TNFRSF10D: variants seen among roughly 807,000 people sequenced by gnomAD.
The protein encoded by TNFRSF10D is tumor necrosis factor receptor superfamily member 10D.
TNFRSF10D carries 28 observed loss-of-function variants against 42.1 expected under a neutral mutation model. The ratio of observed to expected loss-of-function variants is 0.66; its 90% CI spans 0.49 to 0.91. The LOEUF is 0.91. TNFRSF10D is among the 40% of genes least tolerant of loss of function. The pLI, the probability that TNFRSF10D is intolerant of heterozygous loss-of-function variation, is 0.00. For synonymous variants in TNFRSF10D, 186 were observed against 189.4 expected, an observed-to-expected ratio of 0.98 and a Z score of 0.15; for missense variants, 503 against 486.1, an observed-to-expected ratio of 1.03 and a Z score of -0.33.
At chr8:23,158,125 C>T (rs1585265762) in intron 1 of TNFRSF10D, among the ~76,000 whole-genome samples, 2 of 152,002 alleles carry the variant, frequency 1.3e-5, no homozygotes, top group South Asian at 4.1e-4. Context: ...TTGTACTTTC[C>T]TTCTTTTCTT....
chr8:23,160,349 G>A (rs1373049840), intron 1 of TNFRSF10D, among the ~76,000 whole-genome samples: 1 of 152,118 alleles, frequency 6.6e-6, no homozygotes, highest in Admixed American at 6.5e-5. Flanking sequence ...ACAGGGAGGG[G>A]ACTCCGAAGA....
intron 7 of TNFRSF10D, among the ~76,000 whole-genome samples, chr8:23,143,640 G>T (rs1033570172): frequency 6.6e-6 from 1 of 152,166 alleles, no homozygotes; most frequent in African/African-American, 2.4e-5. Context: ...TTTGACAAGT[G>T]ATCAAAGAGG....
intron 1 of TNFRSF10D, among the ~76,000 whole-genome samples, chr8:23,162,446 T>C (rs538803339): frequency 2.0e-5 from 3 of 152,348 alleles, no homozygotes; most frequent in Admixed American, 6.5e-5. Flanking sequence ...GAATTTAGTA[T>C]TACTTCGTTG....
At chr8:23,162,911 TTTTG>T (rs754302024) in intron 1 of TNFRSF10D, among the ~76,000 whole-genome samples, 27 of 151,292 alleles carry the variant, frequency 1.8e-4, no homozygotes, top group African/African-American at 2.5e-4. Flanking sequence ...ATAGGGTTAA[TTTTG>T]TTTGTTTGTT....
chr8:23,162,649 A>G (rs189909843), intron 1 of TNFRSF10D, among the ~76,000 whole-genome samples: 233 of 150,976 alleles, frequency 1.5e-3, no homozygotes, highest in African/African-American at 4.9e-3. Flanking sequence ...TCAGTTTCCA[A>G]ACCCAACTCA....
chr8:23,162,954 C>G (rs1563365066), intron 1 of TNFRSF10D, among the ~76,000 whole-genome samples: 1 of 152,154 alleles, frequency 6.6e-6, no homozygotes, highest in Admixed American at 6.5e-5. Flanking sequence ...CAGAGTCTCG[C>G]TCTGTCGCCC....
rs748703810 is a variant in TNFRSF10D, at chr8:23,138,234, C to G, written c.981G>C (p.Gln327His). Residue 327 changes from glutamine to histidine, a missense_variant, in exon 8 of 9, where the codon CAG (glutamine) becomes CAC (histidine). Coordinates refer to ENST00000312584, the MANE Select transcript of TNFRSF10D (RefSeq NM_003840.5). ...LLEQAEAEGC[Q>H]RRRLLVPVND... ...TCACTGGAACCAGCAGCCTCCTCCT[C>G]TGACACCCTTCAGCTTCTGCCTGTT... 7 of 1,614,248 alleles carry G rather than the reference C, an allele frequency of 4.3e-6. No individual in the cohort carries two copies. The highest frequency in any genetic ancestry group is 5.9e-6 in the Non-Finnish European group (7 of 1,180,044).
intron 1 of TNFRSF10D, among the ~76,000 whole-genome samples, chr8:23,155,710 A>G (rs1274458854): frequency 6.6e-6 from 1 of 151,504 alleles, no homozygotes; most frequent in Admixed American, 6.6e-5. Flanking sequence ...AAAAAAAAAA[A>G]CAAAAAACAA....
At chr8:23,139,752 G>A (rs747520828) in intron 7 of TNFRSF10D, among the ~76,000 whole-genome samples, 43 of 152,138 alleles carry the variant, frequency 2.8e-4, no homozygotes, top group Non-Finnish European at 5.3e-4. Flanking sequence ...CTTCATGGAC[G>A]ATATGATTCT....
chr8:23,135,772 G>C lies in TNFRSF10D; in HGVS notation c.*2098C>G. 2.5e-6 allele frequency: 1 copy of C among 403,342 alleles called. No homozygotes were observed. The highest frequency in any genetic ancestry group is 4.9e-6 in the Non-Finnish European group (1 of 204,296). The allele number at this position is 403,342 out of a possible 1,614,324, so 25.0% of individuals were successfully genotyped here. On this transcript the variant is annotated 3_prime_UTR_variant, in exon 9 of 9. Transcript: ENST00000312584. ...TGTTAAAGGAATAAGCTTAAACACT[G>C]ATAAGGCTGGTAGTCTAGATGCATC...
At chr8:23,143,643 C>A (rs1279060418) in intron 7 of TNFRSF10D, among the ~76,000 whole-genome samples, 1 of 151,984 alleles carries the variant, frequency 6.6e-6, no homozygotes, top group East Asian at 1.9e-4. Context: ...GACAAGTGAT[C>A]AAAGAGGAGC....
chr8:23,155,106 A>T (rs571202935), intron 1 of TNFRSF10D, 127 bp from the exon 2 acceptor site: 180 of 722,664 alleles, frequency 2.5e-4, no homozygotes, highest in Non-Finnish European at 1.5e-5. Context: ...CCCATTCCAA[A>T]CTTTCATTCT....
intron 2 of TNFRSF10D, among the ~76,000 whole-genome samples, chr8:23,152,013 C>G (rs1211634621): frequency 3.3e-3 from 498 of 151,442 alleles, no homozygotes; most frequent in African/African-American, 0.01. Flanking sequence ...TCATCTTGTA[C>G]ATGTCCCTTC....
At chr8:23,138,117 T>C (rs1310968837) in intron 8 of TNFRSF10D, 71 bp downstream of exon 8, 18 of 1,612,076 alleles carry the variant, frequency 1.1e-5, no homozygotes, top group Admixed American at 1.0e-4. Context: ...CTCTCAGCTA[T>C]AGGGACAGCA....
chr8:23,148,070 A>AG (rs1800149619), intron 3 of TNFRSF10D, among the ~76,000 whole-genome samples: 1 of 147,316 alleles, frequency 6.8e-6, no homozygotes, highest in Non-Finnish European at 1.5e-5. Flanking sequence ...GTCTCCCAAA[A>AG]AAAAAAAAAA....
chr8:23,145,442 G>A (rs1454761519), intron 5 of TNFRSF10D, among the ~76,000 whole-genome samples: 1 of 152,170 alleles, frequency 6.6e-6, no homozygotes, highest in Non-Finnish European at 1.5e-5. Context: ...TCCTGGAGTT[G>A]GCTCCGGGAG....
intron 2 of TNFRSF10D, among the ~76,000 whole-genome samples, chr8:23,152,322 G>A (rs1800222055): frequency 6.6e-6 from 1 of 152,176 alleles, no homozygotes; most frequent in Non-Finnish European, 1.5e-5. Context: ...CGGTGTGTGG[G>A]GAGCAAGAGA....
intron 1 of TNFRSF10D, among the ~76,000 whole-genome samples, chr8:23,161,659 C>T (rs1253081651): frequency 6.6e-6 from 1 of 152,204 alleles, no homozygotes; most frequent in Non-Finnish European, 1.5e-5. Flanking sequence ...TTGAAAATTC[C>T]TAATACCATT....
At chr8:23,150,459 A>G (rs1360150743) in intron 2 of TNFRSF10D, among the ~76,000 whole-genome samples, 1 of 152,232 alleles carries the variant, frequency 6.6e-6, no homozygotes, top group Non-Finnish European at 1.5e-5. Context: ...CTGCTTCTTC[A>G]AAGTGCACAT....
Sources: allele counts gnomAD v4.1 joint callset (sites outside exome capture counted in the v4.1 genomes callset), GRCh38; gene constraint gnomAD v4.1.1; transcripts MANE v1.5; gene names NCBI Gene and HGNC (gene_info 2026-07-23, HGNC 2026-07-21).